MMP26: variants seen among roughly 807,000 people sequenced by gnomAD.
The protein encoded by MMP26 is matrix metalloproteinase-26.
MMP26 carries 33 observed loss-of-function variants against 31.0 expected under a neutral mutation model. The observed-to-expected ratio is 1.06, with a 90% CI of 0.81 to 1.42. The LOEUF (loss-of-function observed/expected upper bound fraction) is 1.42. Ranked by LOEUF, MMP26 falls within the 40% of genes most tolerant of loss-of-function variation. The pLI, the probability that MMP26 is intolerant of heterozygous loss-of-function variation, is 0.00. For synonymous variants in MMP26, 122 were observed against 114.9 expected, an observed-to-expected ratio of 1.06 and a Z score of -0.40; for missense variants, 347 against 316.1, an observed-to-expected ratio of 1.10 and a Z score of -0.74.
At position 4,932,411 on chromosome 11, in the gene MMP26, C is replaced by T. The variant is rs79726012; in HGVS notation, c.-144-55657C>T. Among the ~76,000 whole-genome samples, 176 of 152,246 alleles carry T rather than the reference C, an allele frequency of 1.2e-3. No individual in the cohort carries two copies. The Middle Eastern group carries it at 0.024, about 21-fold the overall frequency. ...CTTAACAAGACTAGAAGGTTCTATC[C>T]TGTTTCCTGGTATATGCTCTCTTGT... On this transcript the variant is annotated intron_variant, in intron 2 of 7. Transcript: ENST00000380390.
At chr11:4,942,862 C>T (rs958638231) in intron 2 of MMP26, 3 of 152,138 alleles carry the variant, frequency 2.0e-5, no homozygotes, top group Non-Finnish European at 2.9e-5. Context: ...AAGAATAACA[C>T]ATTCAATTAA....
chr11:4,769,916 A>G (rs774976775), intron 2 of MMP26: 22 of 1,568,760 alleles, frequency 1.4e-5, no homozygotes, highest in South Asian at 7.8e-5. Flanking sequence ...TAGGATTTCC[A>G]TGGTGTCCTG....
At chr11:4,930,801 T>C (rs1851336274) in intron 2 of MMP26, among the ~76,000 whole-genome samples, 1 of 152,016 alleles carries the variant, frequency 6.6e-6, no homozygotes, top group African/African-American at 2.4e-5. Context: ...AAAACTCTTT[T>C]ACTGGTTAAC....
intron 1 of MMP26, among the ~76,000 whole-genome samples, chr11:4,740,607 C>G (rs372784954): frequency 1.7e-4 from 25 of 151,090 alleles, no homozygotes; most frequent in African/African-American, 5.4e-4. Flanking sequence ...CTCTTGAACC[C>G]GTGAAGCAGA....
At chr11:4,792,016 G>T (rs1292687186) in intron 2 of MMP26, among the ~76,000 whole-genome samples, 1 of 151,898 alleles carries the variant, frequency 6.6e-6, no homozygotes, top group Non-Finnish European at 1.5e-5. Context: ...TTACCTACTA[G>T]CTGTGTAGCC....
At chr11:4,746,582 A>T (rs575957271) in intron 1 of MMP26, among the ~76,000 whole-genome samples, 1 of 152,242 alleles carries the variant, frequency 6.6e-6, no homozygotes, top group African/African-American at 2.4e-5. Context: ...TCACGCCTGT[A>T]ATCCCAGTAC....
Position 4,923,703 on chromosome 11 carries a change from A to G in MMP26, c.-144-64365A>G, listed in dbSNP as rs542202432. 4 of 1,614,066 alleles carry G rather than the reference A, an allele frequency of 2.5e-6. No homozygotes were observed. In the South Asian group the frequency reaches 4.4e-5, roughly 18 times the overall value. Reference sequence around the variant, plus strand: ...GCGTATGAGAGAAAGATGAGCAGGGAGTCCACACCCACGGTGCAGGCCACA... The same window carrying G: ...GCGTATGAGAGAAAGATGAGCAGGGGGTCCACACCCACGGTGCAGGCCACA... On this transcript the variant is annotated intron_variant, in intron 2 of 7. Coordinates refer to ENST00000380390, the MANE Select transcript of MMP26 (RefSeq NM_021801.5).
At chr11:4,764,635 C>T (rs1848605352) in intron 1 of MMP26, among the ~76,000 whole-genome samples, 1 of 152,182 alleles carries the variant, frequency 6.6e-6, no homozygotes, top group South Asian at 2.1e-4. Context: ...CTTTGGGAGG[C>T]CGAGGCGGGT....
chr11:4,921,327 T>C (rs1851181263), intron 2 of MMP26, among the ~76,000 whole-genome samples: 2 of 152,176 alleles, frequency 1.3e-5, no homozygotes, highest in Admixed American at 6.5e-5. Context: ...TACTGACTTT[T>C]CCAAAAGAGG....
At chr11:4,900,234 C>T (rs1388541820) in intron 2 of MMP26, among the ~76,000 whole-genome samples, 1 of 152,180 alleles carries the variant, frequency 6.6e-6, no homozygotes, top group African/African-American at 2.4e-5. Flanking sequence ...ATGTCCTATG[C>T]TGGTGGATCA....
intron 2 of MMP26, among the ~76,000 whole-genome samples, chr11:4,917,935 T>C (rs1171642225): frequency 6.6e-6 from 1 of 151,550 alleles, no homozygotes; most frequent in African/African-American, 2.4e-5. Flanking sequence ...CCTATTTCAT[T>C]TTAATGTCAA....
At position 4,923,970 on chromosome 11, in the gene MMP26, G is replaced by A. The variant is rs747743592; in HGVS notation, c.-144-64098G>A. On this transcript the variant is annotated intron_variant, in intron 2 of 7. Transcript: ENST00000380390. Reference sequence around the variant, plus strand: ...AGTGGGTTGCAGACGGCCACGTAGCGGTCAATGGACATGGATAACAGAACT... The same window carrying A: ...AGTGGGTTGCAGACGGCCACGTAGCAGTCAATGGACATGGATAACAGAACT... 4.0e-5 allele frequency: 65 copies of A among 1,613,988 alleles called. No individual in the cohort carries two copies. Among genetic ancestry groups the A allele is most frequent in the Middle Eastern group, 3.3e-4 (2 of 6,080 alleles).
chr11:4,854,275 C>G (rs957904429), intron 2 of MMP26, among the ~76,000 whole-genome samples: 1 of 152,192 alleles, frequency 6.6e-6, no homozygotes, highest in African/African-American at 2.4e-5. Context: ...ATCGCCTCAC[C>G]TGGGAAGTGC....
At chr11:4,753,976 C>G (rs1187302400) in intron 1 of MMP26, among the ~76,000 whole-genome samples, 2 of 151,864 alleles carry the variant, frequency 1.3e-5, no homozygotes, top group African/African-American at 4.8e-5. Context: ...GATCTTTGTT[C>G]TCTTATAGGA....
At chr11:4,923,797 A>G (rs1851223300) in intron 2 of MMP26, 1 of 1,613,918 alleles carries the variant, frequency 6.2e-7, no homozygotes, top group African/African-American at 1.3e-5. Flanking sequence ...CCAGGTGAAG[A>G]CAATAAGCAT....
intron 2 of MMP26, among the ~76,000 whole-genome samples, chr11:4,819,340 G>A (rs1589910403): frequency 1.3e-5 from 2 of 152,108 alleles, no homozygotes; most frequent in East Asian, 1.9e-4. Flanking sequence ...AATAGGCAAA[G>A]GAGAGATCTC....
chr11:4,744,599 A>G (rs902553941), intron 1 of MMP26, among the ~76,000 whole-genome samples: 1 of 152,168 alleles, frequency 6.6e-6, no homozygotes, highest in Non-Finnish European at 1.5e-5. Context: ...CAGCCCTATG[A>G]GGATCATTTA....
At chr11:4,891,224 C>G (rs1259577390) in intron 2 of MMP26, among the ~76,000 whole-genome samples, 1 of 152,216 alleles carries the variant, frequency 6.6e-6, no homozygotes, top group South Asian at 2.1e-4. Flanking sequence ...GATCGTGGTT[C>G]TGCAGGCTCT....
intron 2 of MMP26, chr11:4,914,696 A>G (rs749158881): frequency 2.6e-6 from 4 of 1,542,268 alleles, no homozygotes; most frequent in East Asian, 2.3e-5. Context: ...TTCAGGAGAC[A>G]GTGGCTCTAA....
Sources: gnomAD v4.1 joint callset for allele counts (sites outside exome capture counted in the v4.1 genomes callset) on GRCh38, gnomAD v4.1.1 for gene constraint, MANE v1.5 for transcripts, NCBI Gene and HGNC (gene_info 2026-07-23, HGNC 2026-07-21) for gene names.